HIPK1: variants seen among roughly 807,000 people sequenced by gnomAD.
HIPK1 encodes homeodomain interacting protein kinase 1.
HIPK1 carries 28 observed loss-of-function variants against 117.1 expected under a neutral mutation model. The ratio of observed to expected loss-of-function variants is 0.24; its 90% CI spans 0.18 to 0.33. The LOEUF (loss-of-function observed/expected upper bound fraction) is 0.33. HIPK1 is among the 10% of genes least tolerant of loss of function. The pLI is 1.00. For synonymous variants in HIPK1, 605 were observed against 562.5 expected, an observed-to-expected ratio of 1.08 and a Z score of -1.07; for missense variants, 1,122 against 1,475.1, an observed-to-expected ratio of 0.76 and a Z score of 3.92.
chr1:113,957,976 C>G lies in HIPK1; in HGVS notation c.1756-90C>G, dbSNP rs367789708. 3.2e-6 allele frequency: 3 copies of G among 947,424 alleles called. No homozygotes were observed. In the African/African-American group the frequency reaches 5.0e-5, roughly 16 times the overall value. The allele number at this position is 947,424 out of a possible 1,614,324, so 58.7% of individuals were successfully genotyped here. A position where few individuals can be genotyped will look rare whatever the true frequency, so the allele number is the denominator to read the frequency against. On this transcript the variant is annotated intron_variant, in intron 7 of 15. Coordinates refer to ENST00000426820, the MANE Select transcript of HIPK1 (RefSeq NM_198268.3). ...TAACATTACATTTTAAAACATTATT[C>G]TACGTTTTTCTGGATAAATTCTGTA...
rs1670368096 is a variant in HIPK1, at chr1:113,938,111, T to C, written c.-2-2271T>C. On this transcript the variant is annotated intron_variant, in intron 1 of 15. Coordinates refer to ENST00000426820, the MANE Select transcript of HIPK1 (RefSeq NM_198268.3). ...TCCTGAGTAGCTGGGACCACAGGCA[T>C]GTGCCACTTACACTTGGCTTTTTTT... Among the ~76,000 whole-genome samples the C allele has an allele frequency of 2.7e-5, 4 of 150,552 alleles. 1 individual carries two copies. The highest frequency in any genetic ancestry group is 2.6e-4 in the Admixed American group (4 of 15,100).
Position 113,940,882 on chromosome 1 carries a change from A to C in HIPK1, c.499A>C (p.Ser167Arg). The C allele has an allele frequency of 6.2e-7, 1 of 1,614,152 alleles. No individual in the cohort carries two copies. The change falls in exon 2 of 16, where the codon AGC (serine) becomes CGC (arginine). Residue 167 changes from serine (S) to arginine (R), a missense_variant. Transcript: ENST00000426820. ...AACCACCACTGTGACCACAAAGAGTAGCAGTTCCAGCGGAGAAGGGGATTA... is the reference window on the plus strand; with the variant it reads ...AACCACCACTGTGACCACAAAGAGTCGCAGTTCCAGCGGAGAAGGGGATTA... ...ATTTTVTTKS[S>R]SSSGEGDYQL...
intron 14 of HIPK1, among the ~76,000 whole-genome samples, chr1:113,971,085 A>G (rs1237120675): frequency 6.6e-6 from 1 of 152,228 alleles, no homozygotes; most frequent in Non-Finnish European, 1.5e-5. Context: ...ATGTTTTATT[A>G]TGTATTATCT....
chr1:113,938,413 A>G (rs1670393571), intron 1 of HIPK1, among the ~76,000 whole-genome samples: 1 of 151,908 alleles, frequency 6.6e-6, no homozygotes. Context: ...CCAAGTTGAG[A>G]ATCTTGGACA....
intron 2 of HIPK1, among the ~76,000 whole-genome samples, chr1:113,944,012 T>G (rs916690111): frequency 7.9e-5 from 12 of 152,040 alleles, no homozygotes; most frequent in Admixed American, 7.9e-4. Flanking sequence ...GTGGCGACAG[T>G]GTTTTGAGGG....
chr1:113,936,907 C>T (rs1026422440), intron 1 of HIPK1, among the ~76,000 whole-genome samples: 4 of 152,070 alleles, frequency 2.6e-5, no homozygotes, highest in Non-Finnish European at 5.9e-5. Flanking sequence ...ATTAGGTGAA[C>T]AATATTAACA....
At position 113,940,874 on chromosome 1, in the gene HIPK1, C is replaced by T; in HGVS notation, c.491C>T (p.Thr164Ile). ...GAAATTTTVTTKSSSSSGEGD... is the reference protein window; with the variant it reads ...GAAATTTTVTIKSSSSSGEGD... ...GCTGCCACAACCACCACTGTGACCA[C>T]AAAGAGTAGCAGTTCCAGCGGAGAA... Residue 164 changes from threonine to isoleucine, a missense_variant, in exon 2 of 16, where the codon ACA becomes ATA. Physicochemically the swap from Thr to Ile is moderately conservative, Grantham distance 89 (BLOSUM62 -1). This residue lies in a region of HIPK1 where 192 missense variants were observed against 234.0 expected (regional missense o/e 0.82). Transcript: ENST00000426820. The T allele has an allele frequency of 6.2e-7, 1 of 1,614,100 alleles. No individual in the cohort carries two copies. Among genetic ancestry groups the T allele is most frequent in the Non-Finnish European group, 8.5e-7 (1 of 1,180,028 alleles).
chr1:113,969,753 TAAA>T (rs1249352228), intron 13 of HIPK1, among the ~76,000 whole-genome samples, 200 bp from the exon 14 acceptor site: 1 of 151,864 alleles, frequency 6.6e-6, no homozygotes, highest in African/African-American at 2.4e-5. Context: ...CTACAAAAGA[TAAA>T]AACAGTTGGG....
intron 1 of HIPK1, chr1:113,930,080 A>T: frequency 1.1e-6 from 1 of 943,830 alleles, no homozygotes; most frequent in Non-Finnish European, 1.3e-6. Flanking sequence ...CCTGCCTGGG[A>T]CCGGGCGCCG....
intron 11 of HIPK1, among the ~76,000 whole-genome samples, chr1:113,966,556 T>TCCCCAA (rs1672460443): frequency 6.6e-6 from 1 of 152,164 alleles, no homozygotes; most frequent in Admixed American, 6.5e-5. Context: ...GTAATCTAGG[T>TCCCCAA]CCCCAACTTT....
rs560225883 is a variant in HIPK1, at chr1:113,943,293, C to T, written c.1076+1834C>T. 7.9e-5 allele frequency among the ~76,000 whole-genome samples: 12 copies of T among 152,344 alleles called. No homozygotes were observed. In the East Asian group the frequency reaches 1.9e-3, roughly 24 times the overall value. ...ATTAAGCAATAACTCCCTATTCTCTCTTCTTCCTACCACTGGTAATCTTGA... is the reference window on the plus strand; with the variant it reads ...ATTAAGCAATAACTCCCTATTCTCTTTTCTTCCTACCACTGGTAATCTTGA... On this transcript the variant is annotated intron_variant, in intron 2 of 15. Transcript: ENST00000426820.
chr1:113,929,866 G>C, intron 1 of HIPK1: 1 of 987,698 alleles, frequency 1.0e-6, no homozygotes, highest in Non-Finnish European at 1.2e-6. Flanking sequence ...CGGCTGCGGG[G>C]CCCCAGATCT....
At chr1:113,938,929 T>TATACACACACACACACAC (rs1301679078) in intron 1 of HIPK1, among the ~76,000 whole-genome samples, 3 of 115,490 alleles carry the variant, frequency 2.6e-5, no homozygotes, top group Admixed American at 1.0e-4. Flanking sequence ...AAAAAAAAAA[T>TATACACACACACACACAC]ACACACACAC....
intron 2 of HIPK1, among the ~76,000 whole-genome samples, chr1:113,950,124 T>G (rs2101264973): frequency 6.6e-6 from 1 of 152,214 alleles, no homozygotes; most frequent in East Asian, 1.9e-4. Context: ...GGAGGATTTT[T>G]TTTTTCTTCT....
rs1015046234 is a variant in HIPK1 at position 113,970,058 on chromosome 1, G to T, written c.2874G>T (p.Leu958=). Residue 958 remains leucine, a synonymous_variant, in exon 14 of 16, where the codon CTG becomes CTT. Coordinates refer to ENST00000426820, the MANE Select transcript of HIPK1 (RefSeq NM_198268.3). ...GCAGCCCTTATTCCACTGATACCCTGAGTGCTCTCCGAGGCAATAGTGGAT... is the reference window on the plus strand; with the variant it reads ...GCAGCCCTTATTCCACTGATACCCTTAGTGCTCTCCGAGGCAATAGTGGAT... ...SLSSPYSTDT[L]SALRGNSGSV... 6.2e-7 allele frequency: 1 copy of T among 1,614,030 alleles called. No individual in the cohort carries two copies.
intron 11 of HIPK1, 115 bp from the exon 12 acceptor site, chr1:113,967,651 A>C: frequency 3.2e-6 from 2 of 622,922 alleles, no homozygotes; most frequent in Non-Finnish European, 5.2e-6. Context: ...GTAGGTGCTC[A>C]ACTTTAAAAA....
At chr1:113,948,426 A>C (rs1671128667) in intron 2 of HIPK1, among the ~76,000 whole-genome samples, 1 of 151,670 alleles carries the variant, frequency 6.6e-6, no homozygotes, top group South Asian at 2.1e-4. Context: ...TAATTTTTTA[A>C]ATTTTTTTGG....
chr1:113,963,296 C>T, intron 9 of HIPK1, 91 bp from the exon 10 acceptor site: 1 of 1,399,690 alleles, frequency 7.1e-7, no homozygotes, highest in Non-Finnish European at 9.9e-7. Context: ...TGTTCATTGT[C>T]AGTAATAACT....
rs1410658288 is a variant in HIPK1 at position 113,940,654 on chromosome 1, A to G, written c.271A>G (p.Ser91Gly). Reference sequence around the variant, plus strand: ...GCATATTGTTGTAACAGCCGCTGATAGCTCGGGCAGTGCTGCTACATCAAC... The same window carrying G: ...GCATATTGTTGTAACAGCCGCTGATGGCTCGGGCAGTGCTGCTACATCAAC... ...VEHIVVTAAD[S>G]SGSAATSTFQ... is the part of the protein sequence containing the mutation. The change falls in exon 2 of 16, where the codon AGC (serine) becomes GGC (glycine). Residue 91 changes from serine (S) to glycine (G), a missense_variant. By Grantham distance (56) the Ser-to-Gly change is moderately conservative. This residue lies in a region of HIPK1 where 192 missense variants were observed against 234.0 expected (regional missense o/e 0.82). Transcript: ENST00000426820. 6.2e-7 allele frequency: 1 copy of G among 1,614,120 alleles called. No individual in the cohort carries two copies. Among genetic ancestry groups the G allele is most frequent in the Non-Finnish European group, 8.5e-7 (1 of 1,180,058 alleles).
Sources: allele counts gnomAD v4.1 joint callset (sites outside exome capture counted in the v4.1 genomes callset), GRCh38; gene constraint gnomAD v4.1.1; regional missense constraint gnomAD v4.1.1; transcripts MANE v1.5; gene names NCBI Gene and HGNC (gene_info 2026-07-23, HGNC 2026-07-21).